LINGO2: variants seen among roughly 807,000 people sequenced by gnomAD.
The protein encoded by LINGO2 is leucine rich repeat and Ig domain containing 2, also known as leucine-rich repeat and immunoglobulin-like domain-containing nogo receptor-interacting protein 2.
LINGO2 carries 14 observed loss-of-function variants against 30.6 expected under a neutral mutation model. The observed-to-expected ratio is 0.46, with a 90% CI of 0.30 to 0.72. LINGO2 has a LOEUF of 0.72. LINGO2 is among the 30% of genes least tolerant of loss of function. LINGO2 has a pLI of 0.07. For missense variants in LINGO2, 729 were observed against 751.7 expected, an observed-to-expected ratio of 0.97 and a Z score of 0.35; for synonymous variants, 317 against 288.5, an observed-to-expected ratio of 1.10 and a Z score of -1.00.
chr9:28,458,727 A>G (rs1036162536), intron 2 of LINGO2, among the ~76,000 whole-genome samples: 14 of 152,038 alleles, frequency 9.2e-5, no homozygotes, highest in Admixed American at 2.0e-4. Flanking sequence ...TGACAGACAA[A>G]TTCTCATTCT....
chr9:28,723,167 A>G, the LINGO2 span, among the ~76,000 whole-genome samples: 1 of 152,130 alleles, frequency 6.6e-6, no homozygotes, highest in Non-Finnish European at 1.5e-5. Flanking sequence ...AGAGCTTGTT[A>G]ACATGAAGAT....
chr9:28,064,890 T>G (rs1825265781), intron 4 of LINGO2, among the ~76,000 whole-genome samples: 1 of 151,858 alleles, frequency 6.6e-6, no homozygotes, highest in Non-Finnish European at 1.5e-5. Flanking sequence ...CTAATCCCTA[T>G]AGACCTAAAC....
the LINGO2 span, among the ~76,000 whole-genome samples, chr9:29,140,215 T>A: frequency 1.3e-5 from 2 of 151,696 alleles, no homozygotes; most frequent in South Asian, 4.1e-4. Flanking sequence ...ACAAAATAAA[T>A]CTCCAGATTT....
At chr9:28,033,946 C>G (rs748745360) in intron 4 of LINGO2, among the ~76,000 whole-genome samples, 1 of 152,188 alleles carries the variant, frequency 6.6e-6, no homozygotes, top group African/African-American at 2.4e-5. Context: ...TTCTTGTAAA[C>G]ACACTTCAAT....
At chr9:27,965,926 G>GCAAC (rs1448014511) in intron 5 of LINGO2, among the ~76,000 whole-genome samples, 1 of 151,984 alleles carries the variant, frequency 6.6e-6, no homozygotes, top group Non-Finnish European at 1.5e-5. Flanking sequence ...GCACATATGC[G>GCAAC]CAACCGTCAA....
rs561429025 is a variant in LINGO2, at chr9:28,246,806, T to C, written c.-87+48402A>G. ...CACAGCAAAAGAAACTATCGTTAGA[T>C]TGAACAGGCATCCTACAGAGTGGGA... On this transcript the variant is annotated intron_variant, in intron 4 of 5. Transcript: ENST00000379992. Among the ~76,000 whole-genome samples, 21 of 152,230 alleles carry C rather than the reference T, an allele frequency of 1.4e-4. 2 individuals carry two copies. In the South Asian group the frequency reaches 3.5e-3, roughly 26 times the overall value.
chr9:28,087,565 G>C (rs1260462528), intron 4 of LINGO2, among the ~76,000 whole-genome samples: 1 of 151,806 alleles, frequency 6.6e-6, no homozygotes, highest in Non-Finnish European at 1.5e-5. Context: ...ATTCATTCTT[G>C]GTCCTATCTG....
At chr9:27,955,769 T>C (rs1342381196) in intron 5 of LINGO2, among the ~76,000 whole-genome samples, 4 of 152,214 alleles carry the variant, frequency 2.6e-5, no homozygotes, top group East Asian at 1.9e-4. Context: ...ATGTTTTTTC[T>C]TAAATATATA....
intron 1 of LINGO2, among the ~76,000 whole-genome samples, chr9:28,649,341 C>CT (rs35407985): frequency 0.38 from 57,221 of 151,814 alleles, 12,056 homozygotes; most frequent in African/African-American, 0.55. Context: ...GTTGCTCCCA[C>CT]TCAAACTATT....
At chr9:28,331,844 T>G (rs902541715) in intron 3 of LINGO2, among the ~76,000 whole-genome samples, 1 of 152,160 alleles carries the variant, frequency 6.6e-6, no homozygotes, top group African/African-American at 2.4e-5. Flanking sequence ...AAAAGAAACT[T>G]TTTTGGAATT....
At chr9:28,625,892 T>C (rs896728020) in intron 1 of LINGO2, among the ~76,000 whole-genome samples, 1 of 152,034 alleles carries the variant, frequency 6.6e-6, no homozygotes, top group Non-Finnish European at 1.5e-5. Context: ...TTAAAAAATA[T>C]ATATCTACAC....
the LINGO2 span, among the ~76,000 whole-genome samples, chr9:29,120,401 G>T: frequency 6.6e-6 from 1 of 152,124 alleles, no homozygotes; most frequent in East Asian, 1.9e-4. Flanking sequence ...TCTAAGAAAG[G>T]TAATGTTATG....
the LINGO2 span, among the ~76,000 whole-genome samples, chr9:28,963,367 A>C: frequency 1.3e-5 from 2 of 151,976 alleles, no homozygotes; most frequent in African/African-American, 4.8e-5. Flanking sequence ...TAAGTTTCCT[A>C]TCATGTGATC....
At chr9:28,034,702 A>G (rs896046914) in intron 4 of LINGO2, among the ~76,000 whole-genome samples, 2 of 152,230 alleles carry the variant, frequency 1.3e-5, no homozygotes, top group Admixed American at 6.5e-5. Flanking sequence ...ATGACCTGTC[A>G]TGTTTTTCTT....
At chr9:28,739,745 T>C in the LINGO2 span, among the ~76,000 whole-genome samples, 1 of 151,686 alleles carries the variant, frequency 6.6e-6, no homozygotes, top group Non-Finnish European at 1.5e-5. Context: ...TATGTATCTC[T>C]AAGTCTAGCT....
chr9:28,894,696 T>G, the LINGO2 span, among the ~76,000 whole-genome samples: 1 of 151,938 alleles, frequency 6.6e-6, no homozygotes, highest in Non-Finnish European at 1.5e-5. Flanking sequence ...TATGACAGAG[T>G]GTAAAATATA....
At chr9:28,035,893 A>AAC (rs111851787) in intron 4 of LINGO2, among the ~76,000 whole-genome samples, 98,756 of 149,160 alleles carry the variant, frequency 0.66, 34,446 homozygotes, top group Non-Finnish European at 0.78. Context: ...CACACACACA[A>AAC]ACACACACAC....
the LINGO2 span, among the ~76,000 whole-genome samples, chr9:28,777,063 G>A: frequency 6.6e-6 from 1 of 151,946 alleles, no homozygotes; most frequent in African/African-American, 2.4e-5. Flanking sequence ...CTCTGCCTTG[G>A]TGAGACGCGC....
At chr9:28,851,916 C>T in the LINGO2 span, among the ~76,000 whole-genome samples, 1 of 151,714 alleles carries the variant, frequency 6.6e-6, no homozygotes, top group Non-Finnish European at 1.5e-5. Context: ...GGAGATAACA[C>T]TAAAAATCCA....
Sources: gnomAD v4.1 joint callset for allele counts (sites outside exome capture counted in the v4.1 genomes callset) on GRCh38, gnomAD v4.1.1 for gene constraint, MANE v1.5 for transcripts, NCBI Gene and HGNC (gene_info 2026-07-23, HGNC 2026-07-21) for gene names.